CRELD1: variants seen among roughly 807,000 people sequenced by gnomAD.
CRELD1 encodes CRELD disulfide isomerase 1, also known as protein disulfide isomerase CRELD1.
In CRELD1, 42 loss-of-function variants were observed where a neutral mutation model predicts 58.2. The observed-to-expected ratio is 0.72, with a 90% CI of 0.56 to 0.93. The LOEUF (loss-of-function observed/expected upper bound fraction) is 0.93. CRELD1 is among the 40% of genes least tolerant of loss of function. The pLI, the probability that CRELD1 is intolerant of heterozygous loss-of-function variation, is 0.00. For missense variants in CRELD1, 500 were observed against 540.6 expected (o/e 0.92, Z 0.74); for synonymous variants, 222 against 202.0 (o/e 1.10, Z -0.84).
chr3:9,943,251 C>A, intron 9 of CRELD1, 79 bp downstream of exon 9: 1 of 1,586,120 alleles, frequency 6.3e-7, no homozygotes, highest in Non-Finnish European at 8.7e-7. Context: ...GGAATATGGG[C>A]AGGTGGGGGA....
Position 9,943,370 on chromosome 3 carries a change from C to G in CRELD1, c.914-11C>G. The G allele has an allele frequency of 6.2e-7, 1 of 1,613,918 alleles. No homozygotes were observed. The highest frequency in any genetic ancestry group is 8.5e-7 in the Non-Finnish European group (1 of 1,179,984). ...GCCCTAGCAGGACTCTGACCCCTCC[C>G]TCCCCTCAAGATGTGGATGAGTGTG... On this transcript the variant is annotated splice_polypyrimidine_tract_variant and intron_variant, in intron 9 of 10. Coordinates refer to ENST00000452070, the MANE Select transcript of CRELD1 (RefSeq NM_001077415.3).
chr3:9,942,743 C>G (rs1364503622), intron 7 of CRELD1, 70 bp from the exon 8 acceptor site: 1 of 1,236,222 alleles, frequency 8.1e-7, no homozygotes, highest in Non-Finnish European at 1.2e-6. Flanking sequence ...AGACCATTCC[C>G]CAACGGCTCT....
chr3:9,941,259 T>C (rs2085359012), intron 7 of CRELD1, 53 bp downstream of exon 7: 1 of 1,488,740 alleles, frequency 6.7e-7, no homozygotes, highest in Non-Finnish European at 9.3e-7. Context: ...CTGGGCTTGG[T>C]CCTTTATTCT....
At chr3:9,944,145 C>A (rs1176618325) in intron 10 of CRELD1, 1 of 788,424 alleles carries the variant, frequency 1.3e-6, no homozygotes, top group Non-Finnish European at 2.3e-6. Context: ...CTTGGCAAGT[C>A]CAACCCCTTT....
In CRELD1 at chr3:9,943,154, G is replaced by T; in HGVS notation, c.895G>T (p.Val299Leu). Residue 299 changes from valine to leucine, a missense_variant, in exon 9 of 11, where the codon GTG becomes TTG. Val to Leu is a conservative substitution (Grantham distance 32). Transcript: ENST00000452070. ...CKKCSPGYQQ[V>L]GSKCLDVDEC... is the part of the protein sequence containing the mutation. ...GAAGTGTAGCCCTGGCTATCAGCAG[G>T]TGGGCTCCAAGTGTCTCGGTGAGTC... 1 of 1,613,484 alleles carries T rather than the reference G, an allele frequency of 6.2e-7. No homozygotes were observed. The highest frequency in any genetic ancestry group is 8.5e-7 in the Non-Finnish European group (1 of 1,180,006).
At chr3:9,940,604 C>A (rs1194949946) in intron 5 of CRELD1, among the ~76,000 whole-genome samples, 1 of 148,482 alleles carries the variant, frequency 6.7e-6, no homozygotes, top group Non-Finnish European at 1.5e-5. Context: ...TTGCAGTGAG[C>A]CGAGATGGCA....
intron 5 of CRELD1, among the ~76,000 whole-genome samples, chr3:9,939,715 G>A (rs1238309828): frequency 6.6e-6 from 1 of 152,212 alleles, no homozygotes; most frequent in Non-Finnish European, 1.5e-5. Context: ...AAAATGAAAA[G>A]TCTCCCGTGT....
chr3:9,944,025 T>C (rs148402198), intron 10 of CRELD1: 21 of 881,976 alleles, frequency 2.4e-5, no homozygotes, highest in African/African-American at 6.5e-5. Context: ...TTCCCAGGGC[T>C]ATATGGCAAG....
chr3:9,933,849 C>T lies in CRELD1; in HGVS notation c.-91C>T. On this transcript the variant is annotated 5_prime_UTR_variant, in exon 1 of 11. The change creates a new upstream start codon in the 5' untranslated region. Transcript: ENST00000452070. ...CGTTTTACGCAGGCTGTGGCAGCGA[C>T]GCGGTGAGGAGACGGCCCACGGCGC... The T allele has an allele frequency of 1.9e-6, 1 of 514,894 alleles. No homozygotes were observed. The highest frequency in any genetic ancestry group is 3.4e-6 in the Non-Finnish European group (1 of 292,012). The allele number at this position is 514,894 out of a possible 1,614,324, so 31.9% of individuals were successfully genotyped here.
At chr3:9,939,810 C>A (rs1270681221) in intron 5 of CRELD1, among the ~76,000 whole-genome samples, 4 of 152,204 alleles carry the variant, frequency 2.6e-5, no homozygotes, top group Non-Finnish European at 5.9e-5. Flanking sequence ...CACAAAACCG[C>A]CATTGTCATC....
intron 7 of CRELD1, among the ~76,000 whole-genome samples, chr3:9,942,378 C>A (rs1437858622): frequency 2.6e-5 from 4 of 151,988 alleles, no homozygotes; most frequent in Admixed American, 6.6e-5. Flanking sequence ...TAGTCATAAT[C>A]ATTCCAGTAC....
rs373293990 is a variant in CRELD1, at chr3:9,942,026, T to C, written c.734-787T>C. 3.3e-5 allele frequency among the ~76,000 whole-genome samples: 5 copies of C among 152,162 alleles called. No individual in the cohort carries two copies. The South Asian group carries it at 8.3e-4, about 25-fold the overall frequency. ...ACTCACGCCTCTAATCCCAGCACTT[T>C]GAGAGGCTGAAGTGGGGTGGATCAC... On this transcript the variant is annotated intron_variant, in intron 7 of 10. Coordinates refer to ENST00000452070, the MANE Select transcript of CRELD1 (RefSeq NM_001077415.3).
rs1479207084 is a variant in CRELD1, at chr3:9,944,683, G to C, written c.*104G>C. On this transcript the variant is annotated 3_prime_UTR_variant, in exon 11 of 11. Coordinates refer to ENST00000452070, the MANE Select transcript of CRELD1 (RefSeq NM_001077415.3). ...GACAGCTTGGTTTATTTTTGAGAGT[G>C]GGGTAAGCACCCCTACCTGCCTTAC... 1 of 1,139,930 alleles carries C rather than the reference G, an allele frequency of 8.8e-7. No homozygotes were observed. The highest frequency in any genetic ancestry group is 1.3e-6 in the Non-Finnish European group (1 of 786,490). The allele number at this position is 1,139,930 out of a possible 1,614,324, so 70.6% of individuals were successfully genotyped here. A position where few individuals can be genotyped will look rare whatever the true frequency, so the allele number is the denominator to read the frequency against.
chr3:9,934,469 C>T lies in CRELD1; in HGVS notation c.31C>T (p.Pro11Ser), dbSNP rs897094019. 5 of 1,613,876 alleles carry T rather than the reference C, an allele frequency of 3.1e-6. No individual in the cohort carries two copies. The Admixed American group carries it at 8.3e-5, about 27-fold the overall frequency. The change falls in exon 2 of 11, where the codon CCA (proline) becomes TCA (serine). Residue 11 changes from proline to serine, a missense_variant. Physicochemically the swap from Pro to Ser is moderately conservative, Grantham distance 74. Transcript: ENST00000452070. Reference sequence around the variant, plus strand: ...CCCATGGCCCCCGAAGGGCCTAGTCCCAGCTATGCTCTGGGGCCTCAGCCT... The same window carrying T: ...CCCATGGCCCCCGAAGGGCCTAGTCTCAGCTATGCTCTGGGGCCTCAGCCT... MAPWPPKGLV[P>S]AMLWGLSLFL... is the part of the protein sequence containing the mutation.
chr3:9,936,382 T>C (rs1484622809), intron 3 of CRELD1: 2 of 152,156 alleles, frequency 1.3e-5, no homozygotes, highest in Non-Finnish European at 2.9e-5. Context: ...GCTTGCTTTT[T>C]TAAATCACCT....
At chr3:9,940,085 A>G (rs1193153623) in intron 5 of CRELD1, among the ~76,000 whole-genome samples, 7 of 141,974 alleles carry the variant, frequency 4.9e-5, no homozygotes, top group Non-Finnish European at 7.6e-5. Context: ...CCGGGCAGAG[A>G]CGCTCCTCAC....
chr3:9,941,159 G>C lies in CRELD1; in HGVS notation c.686G>C (p.Cys229Ser). Residue 229 changes from cysteine to serine, a missense_variant, in exon 7 of 11, where the codon TGT (cysteine) becomes TCT (serine). By Grantham distance (112) the Cys-to-Ser change is moderately radical. Transcript: ENST00000452070. ...TGCTCAGGACCTGAGGAATCAAACT[G>C]TTTGCAATGCAAGAAGGGCTGGGCC... ...ARCSGPEESNCLQCKKGWALH... is the reference protein window; with the variant it reads ...ARCSGPEESNSLQCKKGWALH... 6.2e-7 allele frequency: 1 copy of C among 1,614,216 alleles called. No homozygotes were observed. The highest frequency in any genetic ancestry group is 8.5e-7 in the Non-Finnish European group (1 of 1,180,034).
At chr3:9,940,562 G>T (rs181825622) in intron 5 of CRELD1, among the ~76,000 whole-genome samples, 1,524 of 151,892 alleles carry the variant, frequency 0.01, 15 homozygotes, top group Middle Eastern at 0.017. Context: ...CAGGCACTCG[G>T]CAGGTTGAGG....
Position 9,944,988 on chromosome 3 carries a change from A to G in CRELD1, c.*409A>G. 1 of 263,744 alleles carries G rather than the reference A, an allele frequency of 3.8e-6. No homozygotes were observed. Among genetic ancestry groups the G allele is most frequent in the Non-Finnish European group, 7.5e-6 (1 of 133,650 alleles). 16.3% of individuals were successfully genotyped at this position (263,744 alleles called of 1,614,324 possible). A position where few individuals can be genotyped will look rare whatever the true frequency, so the allele number is the denominator to read the frequency against. On this transcript the variant is annotated 3_prime_UTR_variant, in exon 11 of 11. Coordinates refer to ENST00000452070, the MANE Select transcript of CRELD1 (RefSeq NM_001077415.3). ...ACATCCCCACACCCCATTGCCACTT[A>G]TTTATTCATCTCAGGAAATAAAGAA...
Sources: gnomAD v4.1 joint callset for allele counts (sites outside exome capture counted in the v4.1 genomes callset) on GRCh38, gnomAD v4.1.1 for gene constraint, MANE v1.5 for transcripts, NCBI Gene and HGNC (gene_info 2026-07-23, HGNC 2026-07-21) for gene names.